ST6GALNAC3: variants seen among roughly 807,000 people sequenced by gnomAD.
ST6GALNAC3 encodes the protein alpha-N-acetylgalactosaminide alpha-2,6-sialyltransferase 3.
In ST6GALNAC3, 25 loss-of-function variants were observed where a neutral mutation model predicts 32.7. The observed-to-expected ratio is 0.76, with a 90% CI of 0.56 to 1.07. The LOEUF is 1.07. ST6GALNAC3 is among the 50% of genes least tolerant of loss of function. The pLI is 0.00. For missense variants in ST6GALNAC3, 355 were observed against 382.4 expected, an observed-to-expected ratio of 0.93 and a Z score of 0.60; for synonymous variants, 129 against 133.1, an observed-to-expected ratio of 0.97 and a Z score of 0.21.
At chr1:76,500,981 C>T (rs977953937) in intron 3 of ST6GALNAC3, among the ~76,000 whole-genome samples, 1 of 152,154 alleles carries the variant, frequency 6.6e-6, no homozygotes, top group African/African-American at 2.4e-5. Context: ...TTCATAAACC[C>T]TTCCTGGAAT....
At chr1:76,574,434 A>G (rs960235471) in intron 3 of ST6GALNAC3, among the ~76,000 whole-genome samples, 1 of 152,028 alleles carries the variant, frequency 6.6e-6, no homozygotes, top group Admixed American at 6.6e-5. Context: ...TATTATCTAT[A>G]CTACACTCCT....
intron 3 of ST6GALNAC3, among the ~76,000 whole-genome samples, chr1:76,612,850 A>G (rs1648024149): frequency 6.6e-6 from 1 of 152,216 alleles, no homozygotes; most frequent in African/African-American, 2.4e-5. Context: ...AGAAACTGAA[A>G]AGTGGCCTTC....
At chr1:76,183,391 G>C (rs1335695453) in intron 1 of ST6GALNAC3, among the ~76,000 whole-genome samples, 1 of 151,966 alleles carries the variant, frequency 6.6e-6, no homozygotes, top group Non-Finnish European at 1.5e-5. Context: ...GCTTTTTATG[G>C]GGAAGGTTGG....
intron 3 of ST6GALNAC3, among the ~76,000 whole-genome samples, chr1:76,479,014 T>G: frequency 6.6e-6 from 1 of 152,034 alleles, no homozygotes; most frequent in East Asian, 1.9e-4. Flanking sequence ...CTGCCCACCT[T>G]GGCCTCCCAA....
At chr1:76,174,663 C>CTTTTTTTTT (rs59269306) in intron 1 of ST6GALNAC3, among the ~76,000 whole-genome samples, 3 of 140,108 alleles carry the variant, frequency 2.1e-5, no homozygotes, top group Admixed American at 7.3e-5. Flanking sequence ...TTTTTCTTTT[C>CTTTTTTTTT]TTTTTTTTTT....
At chr1:76,333,040 C>T (rs1243479012) in intron 2 of ST6GALNAC3, among the ~76,000 whole-genome samples, 2 of 152,154 alleles carry the variant, frequency 1.3e-5, no homozygotes, top group African/African-American at 4.8e-5. Context: ...CTCTTTGCAT[C>T]TCAAGTCTTC....
At chr1:76,432,814 A>G (rs1222610971) in intron 3 of ST6GALNAC3, among the ~76,000 whole-genome samples, 1 of 152,144 alleles carries the variant, frequency 6.6e-6, no homozygotes, top group Non-Finnish European at 1.5e-5. Context: ...TATAGATATT[A>G]GATACAACTT....
At chr1:76,434,031 C>A (rs1310182395) in intron 3 of ST6GALNAC3, among the ~76,000 whole-genome samples, 1 of 152,106 alleles carries the variant, frequency 6.6e-6, no homozygotes, top group Non-Finnish European at 1.5e-5. Flanking sequence ...AGTTGCATGA[C>A]AAATGCTGTT....
At chr1:76,269,598 C>T (rs1003538685) in intron 1 of ST6GALNAC3, among the ~76,000 whole-genome samples, 9 of 152,202 alleles carry the variant, frequency 5.9e-5, no homozygotes, top group Admixed American at 3.3e-4. Flanking sequence ...TGTGCACCAC[C>T]GGTTTGCACA....
intron 1 of ST6GALNAC3, among the ~76,000 whole-genome samples, chr1:76,220,016 G>T (rs1426403180): frequency 2.0e-5 from 3 of 152,164 alleles, no homozygotes; most frequent in Admixed American, 1.3e-4. Flanking sequence ...GTTATCTGTA[G>T]GCACCACTTT....
rs57786423 is a variant in ST6GALNAC3, at chr1:76,395,599, G to A, written c.214-16409G>A. Among the ~76,000 whole-genome samples, 768 of 150,350 alleles carry A rather than the reference G, an allele frequency of 5.1e-3. 8 individuals carry two copies. Among genetic ancestry groups the A allele is most frequent in the African/African-American group, 0.018 (745 of 41,226 alleles). On this transcript the variant is annotated intron_variant, in intron 2 of 4. Transcript: ENST00000328299. ...GTTACACACACACACAGACACACAC[G>A]CACACACACACACGCACACACAGAG...
At chr1:76,153,748 C>G (rs1317054013) in intron 1 of ST6GALNAC3, among the ~76,000 whole-genome samples, 2 of 152,058 alleles carry the variant, frequency 1.3e-5, no homozygotes, top group Non-Finnish European at 2.9e-5. Context: ...TTTTTATGTC[C>G]TAAGGAGTTG....
At chr1:76,587,237 G>A (rs994572750) in intron 3 of ST6GALNAC3, among the ~76,000 whole-genome samples, 3 of 152,180 alleles carry the variant, frequency 2.0e-5, no homozygotes, top group Admixed American at 6.5e-5. Context: ...ACATGACACC[G>A]ACTCACTTTG....
chr1:76,307,740 A>G (rs538604214), intron 1 of ST6GALNAC3, among the ~76,000 whole-genome samples: 13 of 152,268 alleles, frequency 8.5e-5, no homozygotes, highest in African/African-American at 2.6e-4. Flanking sequence ...AAAGTTAAAG[A>G]TTTTATTTTG....
intron 1 of ST6GALNAC3, among the ~76,000 whole-genome samples, chr1:76,117,728 C>G (rs1184705295): frequency 1.3e-5 from 2 of 152,266 alleles, no homozygotes; most frequent in African/African-American, 4.8e-5. Flanking sequence ...AGATAATCAA[C>G]TACTCTGATT....
intron 1 of ST6GALNAC3, among the ~76,000 whole-genome samples, chr1:76,174,752 C>T (rs994336546): frequency 2.0e-5 from 3 of 151,412 alleles, no homozygotes; most frequent in Non-Finnish European, 4.4e-5. Context: ...CTGCAACCTC[C>T]ACCTCCTGGG....
intron 4 of ST6GALNAC3, 127 bp from the exon 5 acceptor site, chr1:76,628,493 C>T (rs1477935911): frequency 1.0e-5 from 9 of 899,664 alleles, no homozygotes; most frequent in Admixed American, 3.4e-5. Flanking sequence ...TAACTGAGTT[C>T]ATGGACAAGA....
intron 3 of ST6GALNAC3, among the ~76,000 whole-genome samples, chr1:76,483,689 G>C (rs978038954): frequency 1.3e-5 from 2 of 152,080 alleles, no homozygotes; most frequent in African/African-American, 4.8e-5. Flanking sequence ...CACTCTGATG[G>C]TAGTTTCTTT....
chr1:76,315,575 GA>G (rs1254828909), intron 2 of ST6GALNAC3, among the ~76,000 whole-genome samples: 2 of 152,074 alleles, frequency 1.3e-5, no homozygotes, highest in Non-Finnish European at 2.9e-5. Context: ...AAAGAATATT[GA>G]ATATTATTTT....
Sources: gnomAD v4.1 joint callset for allele counts (sites outside exome capture counted in the v4.1 genomes callset) on GRCh38, gnomAD v4.1.1 for gene constraint, MANE v1.5 for transcripts, NCBI Gene and HGNC (gene_info 2026-07-23, HGNC 2026-07-21) for gene names.